ZNF385D: variants seen among roughly 807,000 people sequenced by gnomAD.
The protein encoded by ZNF385D is zinc finger protein 385D.
Under a neutral mutation model 35.8 loss-of-function variants are expected in ZNF385D, and 15 were observed. That is an observed-to-expected ratio of 0.42 (90% CI 0.28 to 0.64). The LOEUF (loss-of-function observed/expected upper bound fraction) is 0.64. Among genes scored for constraint, ZNF385D ranks in the 30% least tolerant of loss-of-function variants. The probability of loss-of-function intolerance (pLI) is 0.23; values close to 1 mark genes in which losing one functional copy is unlikely to be tolerated. For missense variants in ZNF385D, 474 were observed against 494.6 expected (o/e 0.96, Z 0.39); for synonymous variants, 212 against 186.8 (o/e 1.13, Z -1.10).
intron 2 of ZNF385D, among the ~76,000 whole-genome samples, chr3:22,329,956 G>A (rs1227719700): frequency 6.6e-6 from 1 of 152,116 alleles, no homozygotes; most frequent in Non-Finnish European, 1.5e-5. Context: ...ATTCACTCAT[G>A]ATTAGTAGCT....
At chr3:21,975,525 A>C (rs973810435) in intron 3 of ZNF385D, among the ~76,000 whole-genome samples, 3 of 152,052 alleles carry the variant, frequency 2.0e-5, no homozygotes, top group Admixed American at 6.6e-5. Context: ...TTTATTGTAC[A>C]CTTTAAAATA....
chr3:22,166,269 C>A (rs747677495), intron 3 of ZNF385D, among the ~76,000 whole-genome samples: 5 of 139,738 alleles, frequency 3.6e-5, no homozygotes, highest in Admixed American at 7.1e-5. Context: ...GGGAAAAAAT[C>A]TGAATAGGAA....
At position 21,835,214 on chromosome 3, in the gene ZNF385D, A is replaced by G. The variant is rs1340419452; in HGVS notation, c.326-170186T>C. Among the ~76,000 whole-genome samples the G allele has an allele frequency of 4.0e-5, 6 of 150,168 alleles. No homozygotes were observed. In the South Asian group the frequency reaches 1.3e-3, roughly 32 times the overall value. ...AAGAGATGCTCAACAGCTAAGAAGG[A>G]AAGAAAAAAACTAGTGAGGCTATGT... On this transcript the variant is annotated intron_variant, in intron 3 of 5. Coordinates refer to the ZNF385D transcript ENST00000494108.
chr3:21,533,474 C>A (rs767101732), intron 3 of ZNF385D, among the ~76,000 whole-genome samples: 1 of 152,010 alleles, frequency 6.6e-6, no homozygotes, highest in African/African-American at 2.4e-5. Flanking sequence ...TCCTATAGAA[C>A]GAAAACCTTT....
At chr3:21,919,951 A>G (rs1213910377) in intron 3 of ZNF385D, among the ~76,000 whole-genome samples, 9 of 152,182 alleles carry the variant, frequency 5.9e-5, no homozygotes, top group Admixed American at 5.9e-4. Context: ...CTCTATAAGC[A>G]TTTTCTAAAT....
chr3:22,041,773 A>G (rs571687859), intron 3 of ZNF385D, among the ~76,000 whole-genome samples: 1 of 152,268 alleles, frequency 6.6e-6, no homozygotes, highest in Non-Finnish European at 1.5e-5. Flanking sequence ...TGTCTATTCA[A>G]TTGAGATTTA....
chr3:21,492,036 T>C (rs1272175046), intron 4 of ZNF385D, among the ~76,000 whole-genome samples: 1 of 152,086 alleles, frequency 6.6e-6, no homozygotes, highest in East Asian at 1.9e-4. Flanking sequence ...TTTTTCATAA[T>C]GCTGATGTTG....
At chr3:21,709,665 A>G (rs1472362891) in intron 1 of ZNF385D, among the ~76,000 whole-genome samples, 1 of 152,206 alleles carries the variant, frequency 6.6e-6, no homozygotes, top group African/African-American at 2.4e-5. Context: ...GTTTTAGCAG[A>G]AGAAAAGTCA....
At chr3:21,499,686 C>T (rs540873258) in intron 4 of ZNF385D, among the ~76,000 whole-genome samples, 3 of 151,582 alleles carry the variant, frequency 2.0e-5, no homozygotes, top group Non-Finnish European at 4.4e-5. Context: ...TAAAATAAGG[C>T]CCAAATGGGT....
At chr3:21,722,500 C>G (rs1352460381) in intron 1 of ZNF385D, among the ~76,000 whole-genome samples, 1 of 152,186 alleles carries the variant, frequency 6.6e-6, no homozygotes, top group Non-Finnish European at 1.5e-5. Flanking sequence ...TCTCAGGAGT[C>G]TAGGCTCCTC....
intron 1 of ZNF385D, among the ~76,000 whole-genome samples, chr3:21,744,647 A>G (rs1433046010): frequency 6.6e-6 from 1 of 152,126 alleles, no homozygotes; most frequent in Non-Finnish European, 1.5e-5. Context: ...TATTAACTAT[A>G]ATTTTGCTAT....
intron 3 of ZNF385D, among the ~76,000 whole-genome samples, chr3:22,008,647 C>A (rs1344790596): frequency 6.6e-6 from 1 of 152,156 alleles, no homozygotes; most frequent in Non-Finnish European, 1.5e-5. Context: ...TGAGCCACCG[C>A]GCCCAGCCCG....
At position 21,430,281 on chromosome 3, in the gene ZNF385D, T is replaced by C. The variant is rs558377150; in HGVS notation, c.674-4611A>G. On this transcript the variant is annotated intron_variant, in intron 5 of 7. Transcript: ENST00000281523. ...CTATCATTTCTGTTAGTTCCTTGGT[T>C]GAAAGTAATTCACTGATTTACCAGT... Among the ~76,000 whole-genome samples, 14 of 152,244 alleles carry C rather than the reference T, an allele frequency of 9.2e-5. No homozygotes were observed. In the South Asian group the frequency reaches 2.7e-3, roughly 29 times the overall value.
At chr3:21,721,130 T>G (rs13100001) in intron 1 of ZNF385D, among the ~76,000 whole-genome samples, 1 of 151,982 alleles carries the variant, frequency 6.6e-6, no homozygotes, top group Admixed American at 6.6e-5. Context: ...TTTATATCCT[T>G]AGAAAGGAGC....
intron 3 of ZNF385D, among the ~76,000 whole-genome samples, chr3:22,164,261 A>G (rs1216125717): frequency 1.1e-5 from 1 of 90,672 alleles, no homozygotes; most frequent in African/African-American, 4.2e-5. Flanking sequence ...ACGGGGTCTC[A>G]CTCTGTTGCC....
At chr3:21,448,541 G>A (rs1702278633) in intron 4 of ZNF385D, among the ~76,000 whole-genome samples, 1 of 151,996 alleles carries the variant, frequency 6.6e-6, no homozygotes, top group Non-Finnish European at 1.5e-5. Flanking sequence ...AGAGCTGGAG[G>A]ATAAATAAAA....
intron 3 of ZNF385D, among the ~76,000 whole-genome samples, chr3:22,074,167 C>A (rs1278961058): frequency 6.6e-6 from 1 of 151,914 alleles, no homozygotes; most frequent in Non-Finnish European, 1.5e-5. Context: ...AAGGGTTTTA[C>A]AGAAACAAGT....
intron 4 of ZNF385D, among the ~76,000 whole-genome samples, chr3:21,490,513 A>C (rs1705355051): frequency 6.6e-6 from 1 of 152,130 alleles, no homozygotes; most frequent in South Asian, 2.1e-4. Flanking sequence ...ATAGAGTATG[A>C]TGAGAGGGTG....
chr3:22,252,742 A>G (rs1700126200), intron 2 of ZNF385D, among the ~76,000 whole-genome samples: 1 of 152,096 alleles, frequency 6.6e-6, no homozygotes, highest in African/African-American at 2.4e-5. Context: ...TGACATAAAA[A>G]AGAATTAACG....
Sources: allele counts gnomAD v4.1 joint callset (sites outside exome capture counted in the v4.1 genomes callset), GRCh38; gene constraint gnomAD v4.1.1; transcripts MANE v1.5; gene names NCBI Gene and HGNC (gene_info 2026-07-23, HGNC 2026-07-21).